Variants in UBE2K observed in about 807,000 individuals in gnomAD.
The protein encoded by UBE2K is ubiquitin-conjugating enzyme E2 K.
Under a neutral mutation model 30.0 loss-of-function variants are expected in UBE2K, and 6 were observed. That is an observed-to-expected ratio of 0.20 (90% confidence interval 0.11 to 0.39). UBE2K has a LOEUF of 0.39. Ranked by LOEUF, UBE2K falls within the 10% of genes least tolerant of loss-of-function variation. The pLI is 1.00. For synonymous variants in UBE2K, 86 were observed against 83.7 expected, an observed-to-expected ratio of 1.03 and a Z score of -0.15; for missense variants, 61 against 241.6, an observed-to-expected ratio of 0.25 and a Z score of 4.96.
chr4:39,700,982 A>G (rs985440637), intron 1 of UBE2K, among the ~76,000 whole-genome samples: 1 of 147,584 alleles, frequency 6.8e-6, no homozygotes, highest in African/African-American at 2.7e-5. Context: ...AAAAGGTTTC[A>G]TGAGAAATTG....
intron 1 of UBE2K, among the ~76,000 whole-genome samples, chr4:39,718,376 G>A (rs545753305): frequency 1.3e-5 from 2 of 152,370 alleles, no homozygotes; most frequent in South Asian, 2.1e-4. Flanking sequence ...GTGCCGATTG[G>A]TGCATTCACA....
intron 1 of UBE2K, among the ~76,000 whole-genome samples, chr4:39,721,193 G>C (rs1163184219): frequency 1.3e-5 from 2 of 152,160 alleles, no homozygotes; most frequent in African/African-American, 4.8e-5. Context: ...CAATTAAAAT[G>C]AGAGTTTCTT....
chr4:39,722,708 A>AAGACAGC (rs1475465935), intron 1 of UBE2K, among the ~76,000 whole-genome samples: 1 of 152,128 alleles, frequency 6.6e-6, no homozygotes, highest in Non-Finnish European at 1.5e-5. Flanking sequence ...AGCTCCACAT[A>AAGACAGC]AGACAGCAGC....
chr4:39,710,289 C>G (rs990582970), intron 1 of UBE2K: 2 of 145,216 alleles, frequency 1.4e-5, no homozygotes, highest in Middle Eastern at 3.6e-3. Flanking sequence ...GATTTTAAGA[C>G]ACAAGGTCTT....
At chr4:39,754,562 G>A (rs1358471084) in intron 3 of UBE2K, among the ~76,000 whole-genome samples, 2 of 152,110 alleles carry the variant, frequency 1.3e-5, no homozygotes, top group East Asian at 3.9e-4. Flanking sequence ...CCAGGCTGTA[G>A]TACAGTGGCA....
intron 1 of UBE2K, among the ~76,000 whole-genome samples, chr4:39,716,997 C>CAAAA (rs71194907): frequency 8.6e-5 from 3 of 35,042 alleles, no homozygotes; most frequent in Non-Finnish European, 5.6e-5. Flanking sequence ...GACTCCATCT[C>CAAAA]AAAAAAAAAA....
chr4:39,725,824 G>A (rs1560350922), intron 1 of UBE2K, among the ~76,000 whole-genome samples: 2 of 152,102 alleles, frequency 1.3e-5, no homozygotes, highest in Non-Finnish European at 2.9e-5. Flanking sequence ...TGTATTTTTA[G>A]TAGAGAGCAG....
chr4:39,754,022 CCTT>C (rs921076007), intron 3 of UBE2K, among the ~76,000 whole-genome samples: 5 of 152,006 alleles, frequency 3.3e-5, no homozygotes, highest in East Asian at 1.9e-4. Flanking sequence ...GCGCGAGACT[CCTT>C]CTCAAAAAAA....
At chr4:39,703,950 A>G (rs1010759952) in intron 1 of UBE2K, among the ~76,000 whole-genome samples, 1 of 152,028 alleles carries the variant, frequency 6.6e-6, no homozygotes, top group African/African-American at 2.4e-5. Context: ...CAAAAAATAT[A>G]TACTGGCTTT....
chr4:39,758,549 A>T (rs1222195721), intron 4 of UBE2K, among the ~76,000 whole-genome samples: 1 of 152,154 alleles, frequency 6.6e-6, no homozygotes, highest in East Asian at 1.9e-4. Context: ...ATGGTGGTGC[A>T]TACCTGTAAT....
At chr4:39,777,831 T>C in intron 6 of UBE2K, 21 bp downstream of exon 6, 13 of 1,388,350 alleles carry the variant, frequency 9.4e-6, no homozygotes, top group South Asian at 2.0e-5. Context: ...AAGGGCATGT[T>C]GATTTTGATA....
At chr4:39,770,357 G>T in intron 4 of UBE2K, 1 of 1,613,496 alleles carries the variant, frequency 6.2e-7, no homozygotes, top group South Asian at 1.1e-5. Context: ...TGCTGTGGTT[G>T]AACTCCTTGC....
At chr4:39,718,685 G>A (rs1719246797) in intron 1 of UBE2K, among the ~76,000 whole-genome samples, 1 of 152,260 alleles carries the variant, frequency 6.6e-6, no homozygotes, top group Admixed American at 6.5e-5. Flanking sequence ...ATTGAGCGCA[G>A]CGCTGGTGGG....
Position 39,709,224 on chromosome 4 carries a change from T to C in UBE2K, c.63+10834T>C, listed in dbSNP as rs58955602. On this transcript the variant is annotated intron_variant, in intron 1 of 6. Coordinates refer to ENST00000261427, the MANE Select transcript of UBE2K (RefSeq NM_005339.5). ...AGCTGTTAGATGTCAGAATTAGCTA[T>C]GTTTTCATATTCTGTCGTGCTTATT... 8.1e-3 allele frequency among the ~76,000 whole-genome samples: 1,237 copies of C among 152,202 alleles called. 16 individuals are homozygous for C. Among genetic ancestry groups the C allele is most frequent in the African/African-American group, 0.027 (1,126 of 41,552 alleles).
chr4:39,708,295 A>G (rs949542084), intron 1 of UBE2K, among the ~76,000 whole-genome samples: 1 of 152,132 alleles, frequency 6.6e-6, no homozygotes, highest in African/African-American at 2.4e-5. Context: ...GCACATTTGC[A>G]TATTTAGAAC....
In UBE2K at chr4:39,780,398, T is replaced by A. The variant is rs1276000567; in HGVS notation, c.*1964T>A. The A allele has an allele frequency of 2.6e-5, 4 of 152,234 alleles. No homozygotes were observed. Among genetic ancestry groups the A allele is most frequent in the African/African-American group, 9.6e-5 (4 of 41,554 alleles). The allele number at this position is 152,234 out of a possible 1,614,324, so 9.4% of individuals were successfully genotyped here. A position where few individuals can be genotyped will look rare whatever the true frequency, so the allele number is the denominator to read the frequency against. On this transcript the variant is annotated 3_prime_UTR_variant, in exon 7 of 7. Coordinates refer to ENST00000261427, the MANE Select transcript of UBE2K (RefSeq NM_005339.5). The stretch of plus-strand genomic sequence containing the variant: ...CTACCCAGTTTATTTTTTGCCTGTA[T>A]TATCAGGGTATATTTAATTGTCCTG...
At chr4:39,739,256 C>A (rs1720543374) in intron 2 of UBE2K, among the ~76,000 whole-genome samples, 1 of 150,894 alleles carries the variant, frequency 6.6e-6, no homozygotes, top group South Asian at 2.1e-4. Context: ...TGGTCTCGAT[C>A]TCCTGACCTC....
intron 5 of UBE2K, among the ~76,000 whole-genome samples, chr4:39,776,294 G>A (rs1713279871): frequency 6.6e-6 from 1 of 152,134 alleles, no homozygotes; most frequent in East Asian, 1.9e-4. Context: ...TAATTACTCT[G>A]ATTGCCATAG....
intron 3 of UBE2K, among the ~76,000 whole-genome samples, chr4:39,752,680 CATT>C (rs987275589): frequency 2.0e-4 from 30 of 152,186 alleles, no homozygotes; most frequent in African/African-American, 7.2e-4. Context: ...TGAGTTCTGA[CATT>C]ATGGCATATG....
Sources: allele counts gnomAD v4.1 joint callset (sites outside exome capture counted in the v4.1 genomes callset), GRCh38; gene constraint gnomAD v4.1.1; transcripts MANE v1.5; gene names NCBI Gene and HGNC (gene_info 2026-07-23, HGNC 2026-07-21).